The following IQCN variants were observed in gnomAD, a reference collection of about 807,000 sequenced individuals.
IQCN encodes IQ motif containing N.
IQCN carries 46 observed loss-of-function variants against 64.4 expected under a neutral mutation model. The ratio of observed to expected loss-of-function variants is 0.71; its 90% CI spans 0.56 to 0.91. The LOEUF (loss-of-function observed/expected upper bound fraction) is 0.91. Ranked by LOEUF, IQCN falls within the 40% of genes least tolerant of loss-of-function variation. IQCN has a pLI of 0.00. For synonymous variants in IQCN, 733 were observed against 775.6 expected (o/e 0.95, Z 0.91); for missense variants, 1,753 against 1,857.4 (o/e 0.94, Z 1.03).
intron 1 of IQCN, among the ~76,000 whole-genome samples, chr19:18,272,126 C>T (rs1568283805): frequency 1.6e-5 from 2 of 122,064 alleles, no homozygotes; most frequent in Non-Finnish European, 3.6e-5. Context: ...CGCGCCTGGC[C>T]TTTTTTTTTT....
Position 18,265,589 on chromosome 19 carries a change from C to A in IQCN, c.1951G>T (p.Val651Leu). 1 of 1,613,362 alleles carries A rather than the reference C, an allele frequency of 6.2e-7. No homozygotes were observed. The highest frequency in any genetic ancestry group is 1.7e-5 in the Admixed American group (1 of 59,968). ...GDKPPHVYVP[V>L]DMAVTLPRGQ... ...CGGGGCAGGGTGACAGCCATGTCTA[C>A]AGGCACATACACGTGAGGTGGCTTG... is the stretch of plus-strand genomic sequence containing the variant. Residue 651 changes from valine to leucine, a missense_variant, in exon 3 of 4, where the codon GTA becomes TTA. Coordinates refer to ENST00000392413, the MANE Select transcript of IQCN (RefSeq NM_001145304.2). This position sits in a 1 kb window ranked among gnomAD's most constrained non-coding sequence, Gnocchi z 4.7.
chr19:18,257,694 C>A lies in IQCN; in HGVS notation c.3590G>T (p.Arg1197Leu). The A allele has an allele frequency of 1.2e-6, 2 of 1,604,016 alleles. No homozygotes were observed. The highest frequency in any genetic ancestry group is 8.5e-7 in the Non-Finnish European group (1 of 1,174,190). ...GCTTCGGTCAGACATGACCCCGGCCCGGCTGCCCAGCTCCACCCACGTGAC... is the reference window on the plus strand; with the variant it reads ...GCTTCGGTCAGACATGACCCCGGCCAGGCTGCCCAGCTCCACCCACGTGAC... ...HPVTWVELGS[R>L]AGVMSDRSWF... Residue 1197 changes from arginine to leucine, a missense_variant, in exon 4 of 4, where the codon CGG becomes CTG. Coordinates refer to ENST00000392413, the MANE Select transcript of IQCN (RefSeq NM_001145304.2).
At chr19:18,262,562 G>C (rs1267248795) in intron 3 of IQCN, 2 of 152,294 alleles carry the variant, frequency 1.3e-5, no homozygotes, top group African/African-American at 4.8e-5. Flanking sequence ...CCACTCTAAA[G>C]GTCCTTGATG....
Position 18,264,928 on chromosome 19 carries a change from T to G in IQCN, c.2612A>C (p.Asp871Ala). 6.2e-7 allele frequency: 1 copy of G among 1,613,000 alleles called. No individual in the cohort carries two copies. Among genetic ancestry groups the G allele is most frequent in the Non-Finnish European group, 8.5e-7 (1 of 1,179,998 alleles). Residue 871 changes from aspartate (D) to alanine (A), a missense_variant, in exon 3 of 4, where the codon GAC becomes GCC. Asp to Ala is a moderately radical substitution (Grantham distance 126). Transcript: ENST00000392413. The surrounding 1 kb of genome is among the most constrained non-coding windows in gnomAD (Gnocchi z 4.3). ...MPGQAVPCQE[D>A]TVGSLLASLC... ...GGAGGCCAGCAGGGAGCCTACCGTG[T>G]CCTCCTGGCAGGGCACCGCCTGGCC... is the stretch of plus-strand genomic sequence containing the variant.
rs143527192 is a variant in IQCN at position 18,267,307 on chromosome 19, C to T, written c.233G>A (p.Arg78His). The T allele has an allele frequency of 1.6e-4, 253 of 1,614,130 alleles. 1 individual carries two copies. Among genetic ancestry groups the T allele is most frequent in the Non-Finnish European group, 1.9e-4 (230 of 1,180,060 alleles). ...QPAEGKTASR[R>H]VPRLRAVVES... ...GACCACAGCCCGGAGGCGTGGGACG[C>T]GGCGGGACGCCGTCTTGCCTTCGGC... The change falls in exon 3 of 4, where the codon CGC becomes CAC. Residue 78 changes from arginine to histidine, a missense_variant. By Grantham distance (29) the Arg-to-His change is conservative. Transcript: ENST00000392413.
chr19:18,264,931 T>A lies in IQCN; in HGVS notation c.2609A>T (p.Glu870Val). Residue 870 changes from glutamate (E) to valine (V), a missense_variant, in exon 3 of 4, where the codon GAG becomes GTG. Glu to Val is a moderately radical substitution (Grantham distance 121). Transcript: ENST00000392413. The surrounding 1 kb of genome is among the most constrained non-coding windows in gnomAD (Gnocchi z 4.3). Reference protein sequence around the residue: ...SMPGQAVPCQEDTVGSLLASL... With the variant: ...SMPGQAVPCQVDTVGSLLASL... ...GGCCAGCAGGGAGCCTACCGTGTCCTCCTGGCAGGGCACCGCCTGGCCGGG... is the reference window on the plus strand; with the variant it reads ...GGCCAGCAGGGAGCCTACCGTGTCCACCTGGCAGGGCACCGCCTGGCCGGG... The A allele has an allele frequency of 6.2e-7, 1 of 1,612,884 alleles. No homozygotes were observed. The highest frequency in any genetic ancestry group is 1.1e-5 in the South Asian group (1 of 91,084).
In IQCN at chr19:18,266,890, T is replaced by C. The variant is rs756381666; in HGVS notation, c.650A>G (p.Gln217Arg). The change falls in exon 3 of 4, where the codon CAG becomes CGG. Residue 217 changes from glutamine to arginine, a missense_variant. Coordinates refer to ENST00000392413, the MANE Select transcript of IQCN (RefSeq NM_001145304.2). The surrounding 1 kb of genome is among the most constrained non-coding windows in gnomAD (Gnocchi z 4.3). Reference protein sequence around the residue: ...SSPLLQPPAAQGTPEPCVQGP... With the variant: ...SSPLLQPPAARGTPEPCVQGP... ...CTGCACACAGGGCTCTGGGGTACCC[T>C]GAGCTGCTGGGGGCTGCAGGAGGGG... 16 of 1,609,108 alleles carry C rather than the reference T, an allele frequency of 9.9e-6. No homozygotes were observed. The highest frequency in any genetic ancestry group is 1.3e-5 in the Non-Finnish European group (15 of 1,176,822).
rs1969632664 is a variant in IQCN at position 18,267,639 on chromosome 19, G to A, written c.14-113C>T. The A allele has an allele frequency of 1.5e-5, 20 of 1,317,596 alleles. 1 individual carries two copies. Among genetic ancestry groups the A allele is most frequent in the South Asian group, 6.9e-5 (4 of 57,816 alleles). 81.6% of individuals were successfully genotyped at this position (1,317,596 alleles called of 1,614,324 possible). On this transcript the variant is annotated intron_variant, in intron 2 of 3. Coordinates refer to ENST00000392413, the MANE Select transcript of IQCN (RefSeq NM_001145304.2). ...CCAGATCTTGTTCCTGGCACGTTGC[G>A]ATCTTCCGCCTCCCTTTTTCCATCC...
In IQCN at chr19:18,264,409, G is replaced by T; in HGVS notation, c.3131C>A (p.Ala1044Asp). 1 of 1,536,768 alleles carries T rather than the reference G, an allele frequency of 6.5e-7. No individual in the cohort carries two copies. The highest frequency in any genetic ancestry group is 8.8e-7 in the Non-Finnish European group (1 of 1,139,276). Reference sequence around the variant, plus strand: ...GGGGCCCAGGGAGGGCCCCCATGCGGCCGATGGACTCCTCCTGCAGGCCAC... The same window carrying T: ...GGGGCCCAGGGAGGGCCCCCATGCGTCCGATGGACTCCTCCTGCAGGCCAC... ...VKVACRRSPS[A>D]AWGPSLGPVR... The change falls in exon 3 of 4, where the codon GCC (alanine) becomes GAC (aspartate). Residue 1044 changes from alanine (A) to aspartate (D), a missense_variant. Coordinates refer to ENST00000392413, the MANE Select transcript of IQCN (RefSeq NM_001145304.2). This position sits in a 1 kb window ranked among gnomAD's most constrained non-coding sequence, Gnocchi z 4.3.
chr19:18,260,843 G>C (rs887660896), intron 3 of IQCN: 9 of 152,858 alleles, frequency 5.9e-5, no homozygotes, highest in African/African-American at 2.2e-4. Flanking sequence ...ACACCACACA[G>C]GTCATAGGTT....
Position 18,267,085 on chromosome 19 carries a change from A to G in IQCN, c.455T>C (p.Leu152Ser), listed in dbSNP as rs958671320. 5 of 1,614,114 alleles carry G rather than the reference A, an allele frequency of 3.1e-6. No homozygotes were observed. Among genetic ancestry groups the G allele is most frequent in the African/African-American group, 2.7e-5 (2 of 74,948 alleles). Residue 152 changes from leucine (L) to serine (S), a missense_variant, in exon 3 of 4, where the codon TTG becomes TCG. Transcript: ENST00000392413. ...KRHILHSSKS[L>S]VKKTRAEEGD... is the part of the protein sequence containing the mutation. ...CTCCTCCGCCCTCGTTTTCTTTACC[A>G]ACGACTTGCTGGAGTGAAGGATGTG...
Position 18,257,525 on chromosome 19 carries a change from A to AGGGCTGGAGCCC in IQCN, c.3747_3758dup (p.Gly1250_Pro1253dup). The AGGGCTGGAGCCC allele has an allele frequency of 1.2e-6, 2 of 1,611,716 alleles. No homozygotes were observed. Among genetic ancestry groups the AGGGCTGGAGCCC allele is most frequent in the Non-Finnish European group, 1.7e-6 (2 of 1,179,504 alleles). ...TGCGTCCACAGGTATGACAGGTGCG[A>AGGGCTGGAGCCC]GGGCTGGAGCCCACTAGCATCACCA... is the stretch of plus-strand genomic sequence containing the variant. On this transcript the variant is annotated inframe_insertion, in exon 4 of 4. Transcript: ENST00000392413.
rs750566777 is a variant in IQCN at position 18,266,965 on chromosome 19, G to T, written c.575C>A (p.Thr192Asn). The change falls in exon 3 of 4, where the codon ACC (threonine) becomes AAC (asparagine). Residue 192 changes from threonine to asparagine, a missense_variant. Physicochemically the swap from Thr to Asn is moderately conservative, Grantham distance 65 (BLOSUM62 0). Coordinates refer to ENST00000392413, the MANE Select transcript of IQCN (RefSeq NM_001145304.2). The surrounding 1 kb of genome is among the most constrained non-coding windows in gnomAD (Gnocchi z 4.3). The part of the protein sequence containing the change: ...LSPPIMVNKE[T>N]QFPSCDNLVL... ...CAGATTGTCACAGGAAGGGAACTGG[G>T]TCTCCTTGTTCACCATGATGGGCGG... 1.2e-6 allele frequency: 2 copies of T among 1,613,482 alleles called. No homozygotes were observed. Among genetic ancestry groups the T allele is most frequent in the East Asian group, 2.2e-5 (1 of 44,884 alleles).
chr19:18,269,361 A>G, intron 2 of IQCN, 105 bp downstream of exon 2: 1 of 1,188,606 alleles, frequency 8.4e-7, no homozygotes, highest in Non-Finnish European at 1.2e-6. Flanking sequence ...GGACACTGTC[A>G]AGCCACCCTG....
chr19:18,274,246 A>G (rs754094879), intron 1 of IQCN, among the ~76,000 whole-genome samples, 157 bp downstream of exon 1: 34 of 151,928 alleles, frequency 2.2e-4, no homozygotes, highest in Non-Finnish European at 4.6e-4. Context: ...GCAGTCACCC[A>G]GAAGGCCCAG....
Sources: allele counts gnomAD v4.1 joint callset (sites outside exome capture counted in the v4.1 genomes callset), GRCh38; gene constraint gnomAD v4.1.1; non-coding constraint Gnocchi (gnomAD v3.1); transcripts MANE v1.5; gene names NCBI Gene and HGNC (gene_info 2026-07-23, HGNC 2026-07-21).